NAIP: variants seen among roughly 807,000 people sequenced by gnomAD.
The protein encoded by NAIP is baculoviral IAP repeat-containing protein 1.
In NAIP, 15 loss-of-function variants were observed where a neutral mutation model predicts 23.0. The observed-to-expected ratio is 0.65, with a 90% CI of 0.44 to 1.00. The LOEUF is 1.00. Among genes scored for constraint, NAIP ranks in the 50% least tolerant of loss-of-function variants. The probability of loss-of-function intolerance (pLI) is 0.00; values close to 1 mark genes in which losing one functional copy is unlikely to be tolerated. For synonymous variants in NAIP, 100 were observed against 100.2 expected (o/e 1.00, Z 0.01); for missense variants, 265 against 278.8 (o/e 0.95, Z 0.35).
At chr5:70,979,587 T>TAA (rs1223095455) in intron 13 of NAIP, among the ~76,000 whole-genome samples, 2 of 23,956 alleles carry the variant, frequency 8.3e-5, no homozygotes, top group South Asian at 3.7e-3. Context: ...AAAAAAAAAA[T>TAA]AATAATAATA....
intron 3 of NAIP, among the ~76,000 whole-genome samples, chr5:71,014,347 C>A (rs1422524635): frequency 6.6e-6 from 1 of 151,294 alleles, no homozygotes; most frequent in Admixed American, 6.6e-5. Context: ...ATCCGCCTGC[C>A]TTGGCTTCCC....
intron 5 of NAIP, among the ~76,000 whole-genome samples, chr5:71,010,294 A>C (rs1166723240): frequency 2.0e-5 from 3 of 150,266 alleles, no homozygotes; most frequent in African/African-American, 7.4e-5. Flanking sequence ...TTTGAGACGG[A>C]GTCTCACTCT....
intron 13 of NAIP, among the ~76,000 whole-genome samples, chr5:70,977,986 ACT>A (rs1458769430): frequency 1.7e-5 from 2 of 119,476 alleles, no homozygotes; most frequent in African/African-American, 2.7e-5. Flanking sequence ...ACAGATTGAG[ACT>A]CTGTCTCAAA....
intron 4 of NAIP, chr5:71,011,886 G>GT (rs1292320669): frequency 7.6e-6 from 2 of 262,876 alleles, no homozygotes; most frequent in African/African-American, 4.5e-5. Context: ...AATGATCGTT[G>GT]TTATTGTTAG....
chr5:70,996,898 T>C (rs1038610156), intron 9 of NAIP, among the ~76,000 whole-genome samples: 6 of 79,800 alleles, frequency 7.5e-5, no homozygotes, highest in Non-Finnish European at 1.3e-4. Context: ...TCAAACTGTA[T>C]GCTTCCATTT....
At chr5:71,011,199 C>T (rs1261976133) in intron 5 of NAIP, 76 bp downstream of exon 5, 10 of 1,141,972 alleles carry the variant, frequency 8.8e-6, no homozygotes, top group Non-Finnish European at 1.3e-5. Context: ...TGCCACTATA[C>T]TCCAGCCTGG....
chr5:71,002,401 CTTTT>C (rs1157939944), intron 6 of NAIP, among the ~76,000 whole-genome samples: 2 of 5,586 alleles, frequency 3.6e-4, no homozygotes, highest in Admixed American at 3.5e-3. Context: ...TGTTGGAGGT[CTTTT>C]TTTTTTTTTT....
chr5:71,009,632 G>A (rs1485014339), intron 5 of NAIP, among the ~76,000 whole-genome samples: 1 of 151,538 alleles, frequency 6.6e-6, no homozygotes, highest in Non-Finnish European at 1.5e-5. Flanking sequence ...GGAGGTTGCA[G>A]TGAGCCAAGA....
intron 13 of NAIP, among the ~76,000 whole-genome samples, chr5:70,977,530 TG>T (rs1301576439): frequency 1.6e-4 from 22 of 137,572 alleles, no homozygotes; most frequent in Admixed American, 3.6e-4. Context: ...CAGGCGTGGG[TG>T]GCAGGCAGCT....
At chr5:71,011,726 A>G (rs1289741157) in intron 4 of NAIP, 5 of 448,314 alleles carry the variant, frequency 1.1e-5, no homozygotes, top group African/African-American at 2.0e-5. Flanking sequence ...TAGCCTTGCC[A>G]TGACATTTCG....
At chr5:71,013,875 A>C (rs1751298258) in intron 3 of NAIP, among the ~76,000 whole-genome samples, 1 of 151,280 alleles carries the variant, frequency 6.6e-6, no homozygotes, top group Non-Finnish European at 1.5e-5. Flanking sequence ...CGAAGTTCCC[A>C]AAAAGTCTCC....
intron 13 of NAIP, among the ~76,000 whole-genome samples, chr5:70,978,824 G>T: frequency 2.8e-5 from 1 of 35,906 alleles, no homozygotes. Flanking sequence ...ATGGAGTTTT[G>T]CTCTCGTTCC....
chr5:71,011,012 T>C (rs2112921609), intron 5 of NAIP, among the ~76,000 whole-genome samples: 1 of 151,126 alleles, frequency 6.6e-6, no homozygotes, highest in South Asian at 2.1e-4. Flanking sequence ...GTGGGTGGAC[T>C]GCCTGAGCTC....
In NAIP at chr5:70,970,099, A is replaced by ATCT; in HGVS notation, c.*2_*4dup. ...TATTGATTCAGCAGTTTTTAGCTGA[A>ATCT]TCTTTTATTTCTGAATGATTGGAGA... On this transcript the variant is annotated 3_prime_UTR_variant, in exon 17 of 17. Coordinates refer to ENST00000517649, the MANE Select transcript of NAIP (RefSeq NM_004536.3). 1 of 234,328 alleles carries ATCT rather than the reference A, an allele frequency of 4.3e-6. No homozygotes were observed. The highest frequency in any genetic ancestry group is 7.8e-6 in the Non-Finnish European group (1 of 127,534). The allele number at this position is 234,328 out of a possible 1,614,324, so 14.5% of individuals were successfully genotyped here.
rs1457690589 is a variant in NAIP at position 71,014,826 on chromosome 5, C to T, written c.-3-1908G>A. Among the ~76,000 whole-genome samples the T allele has an allele frequency of 1.3e-5, 2 of 151,490 alleles. 1 individual carries two copies. The highest frequency in any genetic ancestry group is 3.0e-5 in the Non-Finnish European group (2 of 67,766). On this transcript the variant is annotated intron_variant, in intron 3 of 16. Coordinates refer to ENST00000517649, the MANE Select transcript of NAIP (RefSeq NM_004536.3). ...GCTGAGGCGGGAGAATCAGTTGAACCTGGGAGGCAGAGGTTGCAGTGAGCC... is the reference window on the plus strand; with the variant it reads ...GCTGAGGCGGGAGAATCAGTTGAACTTGGGAGGCAGAGGTTGCAGTGAGCC...
chr5:71,013,565 A>G lies in NAIP; in HGVS notation c.-3-647T>C, dbSNP rs560718481. 1.7e-3 allele frequency among the ~76,000 whole-genome samples: 256 copies of G among 149,730 alleles called. 1 individual carries two copies. The highest frequency in any genetic ancestry group is 5.9e-3 in the African/African-American group (241 of 40,896). Reference sequence around the variant, plus strand: ...TGAGGCAGGAGAATGGCGTGAACCCAGGAGGTGGAGCTTGCAGCGAGCCGA... The same window carrying G: ...TGAGGCAGGAGAATGGCGTGAACCCGGGAGGTGGAGCTTGCAGCGAGCCGA... On this transcript the variant is annotated intron_variant, in intron 3 of 16. Transcript: ENST00000517649.
intron 3 of NAIP, among the ~76,000 whole-genome samples, chr5:71,014,985 T>C (rs1751365191): frequency 6.6e-6 from 1 of 151,744 alleles, no homozygotes; most frequent in African/African-American, 2.4e-5. Flanking sequence ...ATAAGCAAGA[T>C]AATTTAAATG....
Position 71,012,776 on chromosome 5 carries a change from G to C in NAIP, c.140C>G (p.Ala47Gly), listed in dbSNP as rs189765950. 2.0e-5 allele frequency: 32 copies of C among 1,611,828 alleles called. 1 individual carries two copies. The East Asian group carries it at 5.1e-4, about 26-fold the overall frequency. The stretch of plus-strand genomic sequence containing the variant: ...AGAGTTGTAGCCTTTCTGCATTTTT[G>C]CTCGCTCCTTCTGCTCCTCTTCTTC... ...ELEEEEQKER[A>G]KMQKGYNSQM... Residue 47 changes from alanine to glycine, a missense_variant, in exon 4 of 17, where the codon GCA becomes GGA. Coordinates refer to ENST00000517649, the MANE Select transcript of NAIP (RefSeq NM_004536.3).
intron 3 of NAIP, among the ~76,000 whole-genome samples, chr5:71,015,696 A>G (rs1373549977): frequency 8.5e-6 from 1 of 117,794 alleles, no homozygotes; most frequent in African/African-American, 3.1e-5. Flanking sequence ...GCTTACACCT[A>G]TAATCCCAGC....
Sources: allele counts gnomAD v4.1 joint callset (sites outside exome capture counted in the v4.1 genomes callset), GRCh38; gene constraint gnomAD v4.1.1; transcripts MANE v1.5; gene names NCBI Gene and HGNC (gene_info 2026-07-23, HGNC 2026-07-21).